AHCYL2: variants seen among roughly 807,000 people sequenced by gnomAD.
AHCYL2 encodes adenosylhomocysteinase like 2.
In AHCYL2, 28 loss-of-function variants were observed where a neutral mutation model predicts 81.4. The ratio of observed to expected loss-of-function variants is 0.34; its 90% CI spans 0.25 to 0.47. The LOEUF is 0.47. Among genes scored for constraint, AHCYL2 ranks in the 20% least tolerant of loss-of-function variants. The pLI is 1.00. For missense variants in AHCYL2, 551 were observed against 785.1 expected, an observed-to-expected ratio of 0.70 and a Z score of 3.56; for synonymous variants, 272 against 290.2, an observed-to-expected ratio of 0.94 and a Z score of 0.64.
intron 2 of AHCYL2, among the ~76,000 whole-genome samples, chr7:129,380,244 A>C (rs1356274742): frequency 6.6e-6 from 1 of 152,134 alleles, no homozygotes; most frequent in Non-Finnish European, 1.5e-5. Context: ...ACTTCTTGTT[A>C]TTCCTCCCAT....
rs541074038 is a variant in AHCYL2 at position 129,358,258 on chromosome 7, G to A, written c.364-21380G>A. Among the ~76,000 whole-genome samples the A allele has an allele frequency of 2.7e-3, 412 of 152,080 alleles. 2 individuals are homozygous for A. The highest frequency in any genetic ancestry group is 3.5e-3 in the Non-Finnish European group (241 of 67,964). On this transcript the variant is annotated intron_variant, in intron 1 of 16. Transcript: ENST00000325006. ...CATACAAAAATTAGCCGGGCGTGGT[G>A]GCGGGCGCCTGTAGTCCCAGCTACT...
At chr7:129,267,230 G>GGTGTGTGTGTGTGTATGTGTGTGTGT (rs1554472002) in intron 1 of AHCYL2, among the ~76,000 whole-genome samples, 36 of 59,216 alleles carry the variant, frequency 6.1e-4, no homozygotes, top group African/African-American at 1.3e-3. Context: ...TCACTCAAGG[G>GGTGTGTGTGTGTGTATGTGTGTGTGT]GTGTGTGTGT....
At chr7:129,267,235 G>GTGTGTGTGTGTA (rs1554472021) in intron 1 of AHCYL2, among the ~76,000 whole-genome samples, 5 of 135,700 alleles carry the variant, frequency 3.7e-5, no homozygotes, top group East Asian at 2.3e-4. Context: ...CAAGGGGTGT[G>GTGTGTGTGTGTA]TGTGTGTGTG....
intron 1 of AHCYL2, among the ~76,000 whole-genome samples, chr7:129,369,973 T>G (rs1794302769): frequency 6.6e-6 from 1 of 152,150 alleles, no homozygotes; most frequent in Non-Finnish European, 1.5e-5. Context: ...TTGGGTTGAG[T>G]TTTTTTGAAT....
chr7:129,422,027 T>A (rs1001068153), intron 12 of AHCYL2, among the ~76,000 whole-genome samples: 1 of 152,384 alleles, frequency 6.6e-6, no homozygotes, highest in South Asian at 2.1e-4. Context: ...GAATATGAAC[T>A]CACTTTCTAT....
chr7:129,348,825 A>G (rs1043542288), intron 1 of AHCYL2, among the ~76,000 whole-genome samples: 3 of 152,162 alleles, frequency 2.0e-5, no homozygotes, highest in Admixed American at 6.5e-5. Flanking sequence ...TGAAATTGCA[A>G]ATTTTGTATA....
intron 4 of AHCYL2, among the ~76,000 whole-genome samples, chr7:129,392,868 A>G (rs776519247): frequency 2.0e-5 from 3 of 152,146 alleles, no homozygotes; most frequent in Non-Finnish European, 4.4e-5. Flanking sequence ...TTTGATTTTC[A>G]TGACCTTGAC....
chr7:129,335,393 A>G (rs922931116), intron 1 of AHCYL2, among the ~76,000 whole-genome samples: 1 of 151,992 alleles, frequency 6.6e-6, no homozygotes, highest in East Asian at 1.9e-4. Flanking sequence ...AAAAAAATCC[A>G]TATTGTTATT....
intron 1 of AHCYL2, among the ~76,000 whole-genome samples, chr7:129,236,176 C>T (rs530531939): frequency 1.1e-4 from 16 of 151,778 alleles, no homozygotes; most frequent in African/African-American, 3.6e-4. Context: ...GTACACGCTG[C>T]CACGCCCAGC....
At chr7:129,330,571 C>T (rs1404908171) in intron 1 of AHCYL2, among the ~76,000 whole-genome samples, 3 of 150,810 alleles carry the variant, frequency 2.0e-5, no homozygotes, top group East Asian at 2.0e-4. Context: ...CCTGGGTTCA[C>T]GCCATTCTCC....
At chr7:129,398,126 A>G (rs1444109819) in intron 5 of AHCYL2, among the ~76,000 whole-genome samples, 2 of 151,750 alleles carry the variant, frequency 1.3e-5, no homozygotes, top group Non-Finnish European at 2.9e-5. Flanking sequence ...CTCCCACTTC[A>G]GTCTTCTGAG....
In AHCYL2 at chr7:129,389,638, G is replaced by A. The variant is rs774740816; in HGVS notation, c.624G>A (p.Met208Ile). The A allele has an allele frequency of 1.9e-6, 3 of 1,610,178 alleles. No homozygotes were observed. In the African/African-American group the frequency reaches 4.0e-5, roughly 22 times the overall value. ...GTATTTATTGGGCCTTTTCAGAAAT[G>A]CCTGCATTGATGGCTTTGAGGAAGA... ...RREIEIAEQE[M>I]PALMALRKRA... Residue 208 changes from methionine (M) to isoleucine (I), a missense_variant, in exon 4 of 17, where the codon ATG (methionine) becomes ATA (isoleucine). Physicochemically the swap from Met to Ile is conservative, Grantham distance 10. Around this residue, in one of 2 missense-constraint regions of AHCYL2, gnomAD observed 316 missense variants for 543.1 expected, o/e 0.58. Coordinates refer to ENST00000325006, the MANE Select transcript of AHCYL2 (RefSeq NM_015328.4).
intron 1 of AHCYL2, among the ~76,000 whole-genome samples, chr7:129,280,961 T>A (rs1297127178): frequency 6.6e-6 from 1 of 151,812 alleles, no homozygotes; most frequent in African/African-American, 2.4e-5. Flanking sequence ...GCCTCCTGGT[T>A]CAAGTGATTC....
intron 12 of AHCYL2, among the ~76,000 whole-genome samples, chr7:129,415,040 G>A (rs4728163): frequency 0.28 from 42,870 of 152,158 alleles, 7,463 homozygotes; most frequent in East Asian, 0.59. Flanking sequence ...ACCCTGGGGT[G>A]TCTGAGTGGT....
intron 4 of AHCYL2, among the ~76,000 whole-genome samples, chr7:129,393,325 G>A (rs189103778): frequency 1.3e-5 from 2 of 152,316 alleles, no homozygotes; most frequent in Admixed American, 1.3e-4. Context: ...GGCTGAGGTG[G>A]GAGGATTGAT....
chr7:129,263,268 T>C (rs898752613), intron 1 of AHCYL2, among the ~76,000 whole-genome samples: 1 of 152,212 alleles, frequency 6.6e-6, no homozygotes, highest in Admixed American at 6.5e-5. Context: ...ACATTTTCTC[T>C]TGTATTAGAG....
intron 1 of AHCYL2, among the ~76,000 whole-genome samples, chr7:129,274,777 C>G (rs1796141621): frequency 6.6e-6 from 1 of 152,138 alleles, no homozygotes; most frequent in African/African-American, 2.4e-5. Flanking sequence ...CCCCATTGAG[C>G]TACCAGCAAA....
At chr7:129,289,480 G>C (rs1796760317) in intron 1 of AHCYL2, among the ~76,000 whole-genome samples, 1 of 152,174 alleles carries the variant, frequency 6.6e-6, no homozygotes, top group Non-Finnish European at 1.5e-5. Flanking sequence ...TGATATTCTA[G>C]TTCTATTATT....
At chr7:129,313,109 A>G (rs1453106381) in intron 1 of AHCYL2, among the ~76,000 whole-genome samples, 2 of 152,210 alleles carry the variant, frequency 1.3e-5, no homozygotes, top group Non-Finnish European at 2.9e-5. Flanking sequence ...TTCTGCTACA[A>G]CCACCCAAAA....
Sources: gnomAD v4.1 joint callset for allele counts (sites outside exome capture counted in the v4.1 genomes callset) on GRCh38, gnomAD v4.1.1 for gene constraint, gnomAD v4.1.1 regional missense constraint, MANE v1.5 for transcripts, NCBI Gene and HGNC (gene_info 2026-07-23, HGNC 2026-07-21) for gene names.